HECW1: variants seen among roughly 807,000 people sequenced by gnomAD.
The protein encoded by HECW1 is E3 ubiquitin-protein ligase HECW1.
In HECW1, 61 loss-of-function variants were observed where a neutral mutation model predicts 182.3. The observed-to-expected ratio is 0.33, with a 90% CI of 0.27 to 0.41. The LOEUF is 0.41. HECW1 is among the 10% of genes least tolerant of loss of function. HECW1 has a pLI of 1.00. For synonymous variants in HECW1, 859 were observed against 832.6 expected, an observed-to-expected ratio of 1.03 and a Z score of -0.55; for missense variants, 1,739 against 2,108.9, an observed-to-expected ratio of 0.82 and a Z score of 3.44.
At chr7:43,187,351 C>T (rs571912050) in intron 2 of HECW1, among the ~76,000 whole-genome samples, 1 of 152,268 alleles carries the variant, frequency 6.6e-6, no homozygotes, top group African/African-American at 2.4e-5. Flanking sequence ...GGAAATTGGG[C>T]TCCACCTGCT....
At chr7:43,558,954 G>A (rs1490080216) in intron 29 of HECW1, among the ~76,000 whole-genome samples, 2 of 152,180 alleles carry the variant, frequency 1.3e-5, no homozygotes, top group Non-Finnish European at 2.9e-5. Context: ...AGAGAACAAG[G>A]CTGTAGTTAG....
chr7:43,288,488 T>C (rs181221923), intron 3 of HECW1, among the ~76,000 whole-genome samples: 1 of 152,300 alleles, frequency 6.6e-6, no homozygotes, highest in Admixed American at 6.5e-5. Context: ...AATACAGTCT[T>C]TGCTAGGAAA....
intron 2 of HECW1, among the ~76,000 whole-genome samples, chr7:43,177,376 A>C (rs1583832186): frequency 6.6e-6 from 1 of 152,284 alleles, no homozygotes; most frequent in South Asian, 2.1e-4. Flanking sequence ...CAAAAAGGTC[A>C]TGTGTTCCCT....
At chr7:43,164,985 AG>A (rs1347070594) in intron 2 of HECW1, among the ~76,000 whole-genome samples, 1 of 152,198 alleles carries the variant, frequency 6.6e-6, no homozygotes, top group Non-Finnish European at 1.5e-5. Context: ...TCTCTCTCTG[AG>A]TCAGGGAATG....
At chr7:43,538,806 T>C (rs569013030) in intron 24 of HECW1, among the ~76,000 whole-genome samples, 1 of 152,366 alleles carries the variant, frequency 6.6e-6, no homozygotes, top group South Asian at 2.1e-4. Flanking sequence ...TTCTAATCTG[T>C]TTCCAATTTT....
chr7:43,182,428 G>C (rs1792958007), intron 2 of HECW1, among the ~76,000 whole-genome samples: 1 of 152,206 alleles, frequency 6.6e-6, no homozygotes, highest in Admixed American at 6.5e-5. Context: ...CCCAATGTGT[G>C]TTTTTGGTCC....
chr7:43,320,278 A>G (rs1032265365), intron 4 of HECW1, among the ~76,000 whole-genome samples: 1 of 152,238 alleles, frequency 6.6e-6, no homozygotes, highest in Non-Finnish European at 1.5e-5. Flanking sequence ...GGATCAGTTC[A>G]TAGAAGCTTT....
At chr7:43,150,081 G>A (rs1331955446) in intron 2 of HECW1, among the ~76,000 whole-genome samples, 1 of 152,090 alleles carries the variant, frequency 6.6e-6, no homozygotes, top group African/African-American at 2.4e-5. Context: ...AACATTTATT[G>A]TACTTACTGC....
chr7:43,151,567 G>GGA (rs1789328919), intron 2 of HECW1, among the ~76,000 whole-genome samples: 1 of 152,174 alleles, frequency 6.6e-6, no homozygotes, highest in South Asian at 2.1e-4. Context: ...TGCCAAAAAA[G>GGA]TAGGCTGCTT....
chr7:43,124,651 G>T (rs1786013577), intron 2 of HECW1, among the ~76,000 whole-genome samples: 1 of 152,168 alleles, frequency 6.6e-6, no homozygotes, highest in Non-Finnish European at 1.5e-5. Flanking sequence ...GGTGCAGGCT[G>T]GTGGCATCAA....
intron 2 of HECW1, among the ~76,000 whole-genome samples, chr7:43,216,816 G>A (rs566786483): frequency 7.1e-4 from 108 of 152,084 alleles, no homozygotes; most frequent in African/African-American, 2.5e-3. Flanking sequence ...CACCATGCTC[G>A]GCTAATTTTT....
chr7:43,217,532 G>C (rs900435287), intron 2 of HECW1, among the ~76,000 whole-genome samples: 9 of 152,180 alleles, frequency 5.9e-5, no homozygotes, highest in African/African-American at 2.2e-4. Context: ...CGAAAGCAGG[G>C]AATGTCTCAC....
intron 3 of HECW1, among the ~76,000 whole-genome samples, chr7:43,257,223 G>T (rs1391859157): frequency 6.6e-6 from 1 of 152,206 alleles, no homozygotes; most frequent in Admixed American, 6.5e-5. Context: ...TCATGAAAGA[G>T]TTCTGTGGTC....
chr7:43,512,998 A>G (rs546746236), intron 24 of HECW1, among the ~76,000 whole-genome samples: 1 of 152,182 alleles, frequency 6.6e-6, no homozygotes, highest in Non-Finnish European at 1.5e-5. Flanking sequence ...CCCTCTAAAA[A>G]ATAAGCTCTA....
chr7:43,425,656 T>G (rs1449857688), intron 8 of HECW1, among the ~76,000 whole-genome samples: 1 of 152,168 alleles, frequency 6.6e-6, no homozygotes, highest in Non-Finnish European at 1.5e-5. Flanking sequence ...AGCATGGCAC[T>G]GGCATCTGGT....
At chr7:43,293,838 A>G (rs1805705803) in intron 3 of HECW1, among the ~76,000 whole-genome samples, 1 of 152,176 alleles carries the variant, frequency 6.6e-6, no homozygotes, top group African/African-American at 2.4e-5. Flanking sequence ...GCCACACAGC[A>G]GGAGGTGAGC....
chr7:43,211,402 A>C (rs758531265), intron 2 of HECW1, among the ~76,000 whole-genome samples: 18 of 152,214 alleles, frequency 1.2e-4, no homozygotes, highest in Non-Finnish European at 2.4e-4. Flanking sequence ...GTAAGTATCC[A>C]AGTGTGAATG....
intron 2 of HECW1, among the ~76,000 whole-genome samples, chr7:43,222,876 C>T (rs1283450580): frequency 6.6e-6 from 1 of 152,146 alleles, no homozygotes; most frequent in Non-Finnish European, 1.5e-5. Context: ...CATCCCATCC[C>T]ATCTTATGAC....
At chr7:43,450,580 C>G (rs1396238584) in intron 11 of HECW1, among the ~76,000 whole-genome samples, 1 of 152,186 alleles carries the variant, frequency 6.6e-6, no homozygotes, top group Non-Finnish European at 1.5e-5. Context: ...GAATCAGACT[C>G]AAATCCTACA....
Sources: gnomAD v4.1 joint callset for allele counts (sites outside exome capture counted in the v4.1 genomes callset) on GRCh38, gnomAD v4.1.1 for gene constraint, MANE v1.5 for transcripts, NCBI Gene and HGNC (gene_info 2026-07-23, HGNC 2026-07-21) for gene names.